SPOCK1: variants seen among roughly 807,000 people sequenced by gnomAD.
SPOCK1 encodes SPARC (osteonectin), cwcv and kazal like domains proteoglycan 1.
Under a neutral mutation model 55.3 loss-of-function variants are expected in SPOCK1, and 23 were observed. The observed-to-expected ratio is 0.42, with a 90% CI of 0.30 to 0.59. The LOEUF (loss-of-function observed/expected upper bound fraction) is 0.59, where lower values mean the gene tolerates loss of function less well. SPOCK1 is among the 20% of genes least tolerant of loss of function. SPOCK1 has a pLI of 0.22. For missense variants in SPOCK1, 499 were observed against 552.5 expected, an observed-to-expected ratio of 0.90 and a Z score of 0.97; for synonymous variants, 226 against 221.0, an observed-to-expected ratio of 1.02 and a Z score of -0.20.
At chr5:137,017,398 T>C (rs1225321000) in intron 6 of SPOCK1, among the ~76,000 whole-genome samples, 2 of 152,196 alleles carry the variant, frequency 1.3e-5, no homozygotes, top group Non-Finnish European at 1.5e-5. Context: ...ACTTAAAAAG[T>C]CATAAAAGAA....
intron 3 of SPOCK1, among the ~76,000 whole-genome samples, chr5:137,240,242 T>C (rs2961630): frequency 0.067 from 10,244 of 152,192 alleles, 1,050 homozygotes; most frequent in African/African-American, 0.23. Flanking sequence ...TATCTGAGAC[T>C]GTGGTAATTT....
chr5:137,225,693 G>A (rs1407015673), intron 3 of SPOCK1, among the ~76,000 whole-genome samples: 1 of 152,178 alleles, frequency 6.6e-6, no homozygotes, highest in Non-Finnish European at 1.5e-5. Context: ...GGAAAACACA[G>A]GTTTCTGGCT....
chr5:137,167,931 G>A (rs1754679572), intron 3 of SPOCK1, among the ~76,000 whole-genome samples: 1 of 151,754 alleles, frequency 6.6e-6, no homozygotes, highest in South Asian at 2.1e-4. Flanking sequence ...AAAAGCAAGA[G>A]CAAACCAAAC....
At chr5:136,981,394 T>C (rs1750727302) in intron 9 of SPOCK1, among the ~76,000 whole-genome samples, 2 of 152,136 alleles carry the variant, frequency 1.3e-5, no homozygotes, top group Non-Finnish European at 2.9e-5. Context: ...TCTTATTCAC[T>C]TTGTGTTGTT....
intron 6 of SPOCK1, among the ~76,000 whole-genome samples, chr5:137,030,547 G>T (rs926257633): frequency 5.9e-5 from 9 of 152,148 alleles, no homozygotes; most frequent in African/African-American, 1.9e-4. Flanking sequence ...CAATTCTGGG[G>T]GGAGGTCTAG....
intron 2 of SPOCK1, among the ~76,000 whole-genome samples, chr5:137,380,833 T>G (rs747117227): frequency 6.6e-6 from 1 of 152,094 alleles, no homozygotes; most frequent in Non-Finnish European, 1.5e-5. Flanking sequence ...AAATCTCATG[T>G]CCTTTCTTGA....
chr5:137,295,678 A>G (rs539034720), intron 2 of SPOCK1, among the ~76,000 whole-genome samples: 1 of 151,734 alleles, frequency 6.6e-6, no homozygotes, highest in Non-Finnish European at 1.5e-5. Flanking sequence ...TTAAGGGTAC[A>G]CTCACTTCAC....
At chr5:137,100,876 A>G (rs777875869) in intron 5 of SPOCK1, among the ~76,000 whole-genome samples, 12 of 19,726 alleles carry the variant, frequency 6.1e-4, no homozygotes, top group South Asian at 2.7e-3. Flanking sequence ...CCGAAAGGGG[A>G]AAAAAAAAAA....
chr5:137,388,528 C>T (rs908237813), intron 2 of SPOCK1, among the ~76,000 whole-genome samples: 1 of 152,138 alleles, frequency 6.6e-6, no homozygotes, highest in African/African-American at 2.4e-5. Flanking sequence ...TATGATGACC[C>T]GTACCATCTC....
chr5:137,219,415 G>A (rs1292607580), intron 3 of SPOCK1, among the ~76,000 whole-genome samples: 1 of 152,152 alleles, frequency 6.6e-6, no homozygotes, highest in Non-Finnish European at 1.5e-5. Flanking sequence ...CATCTCCGCT[G>A]CTAGAATGGG....
At chr5:137,362,567 A>G (rs142384671) in intron 2 of SPOCK1, among the ~76,000 whole-genome samples, 2,435 of 151,954 alleles carry the variant, frequency 0.016, 68 homozygotes, top group African/African-American at 0.055. Context: ...TGACCTTGCA[A>G]TCCACCCACC....
chr5:137,183,981 C>G (rs1755018873), intron 3 of SPOCK1, among the ~76,000 whole-genome samples: 1 of 152,196 alleles, frequency 6.6e-6, no homozygotes, highest in South Asian at 2.1e-4. Flanking sequence ...AGCCAACACA[C>G]TTAGCACAGT....
intron 1 of SPOCK1, 66 bp downstream of exon 1, chr5:137,499,113 C>G (rs1056585547): frequency 1.3e-5 from 2 of 152,220 alleles, no homozygotes; most frequent in African/African-American, 4.8e-5. Context: ...CTGCCAGCCC[C>G]CTAGGCGGCC....
At chr5:137,364,937 C>T (rs145703713) in intron 2 of SPOCK1, 193 of 152,314 alleles carry the variant, frequency 1.3e-3, no homozygotes, top group African/African-American at 4.4e-3. Context: ...GCAAACTGCT[C>T]CTTCATACTC....
At chr5:137,438,383 GACACCTTGCCTAA>G (rs757612040) in intron 2 of SPOCK1, among the ~76,000 whole-genome samples, 1 of 152,270 alleles carries the variant, frequency 6.6e-6, no homozygotes, top group Non-Finnish European at 1.5e-5. Flanking sequence ...GCCCAAGGGT[GACACCTTGCCTAA>G]TAGAAGGAAG....
intron 2 of SPOCK1, among the ~76,000 whole-genome samples, chr5:137,411,584 A>T (rs1752209151): frequency 6.6e-6 from 1 of 152,190 alleles, no homozygotes; most frequent in Non-Finnish European, 1.5e-5. Flanking sequence ...TGCACCTTGG[A>T]CTGGAAGCAA....
intron 3 of SPOCK1, among the ~76,000 whole-genome samples, chr5:137,260,724 A>C (rs1053209042): frequency 2.0e-5 from 3 of 152,246 alleles, no homozygotes; most frequent in African/African-American, 7.2e-5. Context: ...GTAGGAGCAT[A>C]CTAATATTTG....
intron 3 of SPOCK1, among the ~76,000 whole-genome samples, chr5:137,177,673 AG>A (rs1489670378): frequency 2.0e-5 from 3 of 152,196 alleles, no homozygotes; most frequent in African/African-American, 7.2e-5. Flanking sequence ...CATTAAAAAA[AG>A]TATTCCTCCG....
At chr5:137,221,752 G>C (rs1353690232) in intron 3 of SPOCK1, among the ~76,000 whole-genome samples, 2 of 152,172 alleles carry the variant, frequency 1.3e-5, no homozygotes, top group East Asian at 1.9e-4. Context: ...TAAAATAAAA[G>C]TAAGTGTGAA....
Sources: gnomAD v4.1 joint callset for allele counts (sites outside exome capture counted in the v4.1 genomes callset) on GRCh38, gnomAD v4.1.1 for gene constraint, MANE v1.5 for transcripts, NCBI Gene and HGNC (gene_info 2026-07-23, HGNC 2026-07-21) for gene names.